Variants in USH2A observed in about 807,000 individuals in gnomAD.
The protein encoded by USH2A is Usher syndrome 2A (autosomal recessive, mild).
USH2A carries 443 observed loss-of-function variants against 538.9 expected under a neutral mutation model. The observed-to-expected ratio is 0.82, with a 90% CI of 0.76 to 0.89. The LOEUF is 0.89. USH2A is among the 40% of genes least tolerant of loss of function. USH2A has a pLI of 0.00. For missense variants in USH2A, 6,633 were observed against 6,324.8 expected, an observed-to-expected ratio of 1.05 and a Z score of -1.65; for synonymous variants, 2,413 against 2,273.5, an observed-to-expected ratio of 1.06 and a Z score of -1.75.
intron 21 of USH2A, among the ~76,000 whole-genome samples, chr1:216,124,614 A>G (rs2033211273): frequency 1.3e-5 from 2 of 152,324 alleles, no homozygotes; most frequent in East Asian, 1.9e-4. Context: ...TAAGATCAAG[A>G]TAAGAACATA....
chr1:215,644,673 T>G (rs926072603), intron 67 of USH2A, among the ~76,000 whole-genome samples: 2 of 152,098 alleles, frequency 1.3e-5, no homozygotes, highest in Admixed American at 1.3e-4. Context: ...GGAAAGTCAG[T>G]GAAGGTGACT....
intron 33 of USH2A, among the ~76,000 whole-genome samples, chr1:215,999,266 T>C (rs1441531369): frequency 6.6e-6 from 1 of 152,210 alleles, no homozygotes; most frequent in Non-Finnish European, 1.5e-5. Flanking sequence ...GCTCCTGCCA[T>C]CTGGTTACCT....
At chr1:215,998,765 A>C in intron 34 of USH2A, 122 bp downstream of exon 34, 2 of 1,045,178 alleles carry the variant, frequency 1.9e-6, no homozygotes, top group Middle Eastern at 2.0e-4. Flanking sequence ...CAGTATAAAC[A>C]GCAATACATG....
In USH2A at chr1:215,838,086, T is replaced by C. The variant is rs757205145; in HGVS notation, c.9276A>G (p.Ile3092Met). The C allele has an allele frequency of 6.2e-7, 1 of 1,614,018 alleles. No homozygotes were observed. The highest frequency in any genetic ancestry group is 8.5e-7 in the Non-Finnish European group (1 of 1,179,882). ...IYDIQVEVCT[I>M]YACVKSNGTQ... ...TTCCATTGCTTTTCACGCAGGCATA[T>C]ATTGTGCAGACTTCAACCTGCAAAC... The change falls in exon 47 of 72, where the codon ATA (isoleucine) becomes ATG (methionine). Residue 3092 changes from isoleucine to methionine, a missense_variant. Physicochemically the swap from Ile to Met is conservative, Grantham distance 10. Transcript: ENST00000307340.
intron 32 of USH2A, among the ~76,000 whole-genome samples, chr1:216,009,783 G>A (rs1451491289): frequency 2.0e-5 from 3 of 151,984 alleles, no homozygotes; most frequent in East Asian, 1.9e-4. Flanking sequence ...CACCCAGTCC[G>A]GCTTACAGTT....
intron 9 of USH2A, among the ~76,000 whole-genome samples, chr1:216,308,132 A>G (rs2037351556): frequency 6.6e-6 from 1 of 152,056 alleles, no homozygotes; most frequent in South Asian, 2.1e-4. Flanking sequence ...TATTTGTATG[A>G]TTTTAAAATT....
Position 215,637,446 on chromosome 1 carries a change from T to C in USH2A, c.15052+1709A>G, listed in dbSNP as rs115604989. The stretch of plus-strand genomic sequence containing the variant: ...GAAAAAGTCCCAGGCCAGAAGTCAA[T>C]AGAAAATCTGTGTTGGTGTTCTCAT... On this transcript the variant is annotated intron_variant, in intron 69 of 71. Transcript: ENST00000307340. 5.7e-3 allele frequency among the ~76,000 whole-genome samples: 871 copies of C among 152,290 alleles called. 7 individuals are homozygous for C. Among genetic ancestry groups the C allele is most frequent in the African/African-American group, 0.02 (826 of 41,556 alleles).
intron 50 of USH2A, among the ~76,000 whole-genome samples, chr1:215,794,231 T>C (rs1487366346): frequency 1.3e-5 from 2 of 152,216 alleles, no homozygotes; most frequent in East Asian, 1.9e-4. Flanking sequence ...CAAAGACAAC[T>C]GAACTGGGAC....
At chr1:216,075,543 A>C (rs986874416) in intron 27 of USH2A, among the ~76,000 whole-genome samples, 29 of 152,124 alleles carry the variant, frequency 1.9e-4, no homozygotes, top group African/African-American at 6.5e-4. Flanking sequence ...AATCAGAAAA[A>C]CATTAGCCCT....
At chr1:215,837,785 G>C (rs926034563) in intron 47 of USH2A, among the ~76,000 whole-genome samples, 6 of 152,154 alleles carry the variant, frequency 3.9e-5, no homozygotes, top group Non-Finnish European at 8.8e-5. Flanking sequence ...ATCTGAGGCT[G>C]GGCAATCAGG....
intron 21 of USH2A, among the ~76,000 whole-genome samples, chr1:216,172,605 C>G (rs992558240): frequency 6.6e-6 from 1 of 151,994 alleles, no homozygotes; most frequent in Non-Finnish European, 1.5e-5. Context: ...ACGCATAACA[C>G]TTCAGCCCAT....
intron 9 of USH2A, among the ~76,000 whole-genome samples, chr1:216,293,550 C>A (rs925689809): frequency 2.0e-5 from 3 of 152,194 alleles, no homozygotes; most frequent in African/African-American, 7.2e-5. Context: ...GCTACGTATT[C>A]AGAATCTCTC....
intron 31 of USH2A, among the ~76,000 whole-genome samples, chr1:216,048,015 A>C (rs1464586631): frequency 6.6e-6 from 1 of 152,188 alleles, no homozygotes; most frequent in Non-Finnish European, 1.5e-5. Flanking sequence ...AGTGAGACTT[A>C]AGTTGGAAGG....
chr1:215,872,327 A>G (rs1023902485), intron 43 of USH2A, among the ~76,000 whole-genome samples: 2 of 152,246 alleles, frequency 1.3e-5, no homozygotes, highest in African/African-American at 4.8e-5. Context: ...TTCTAAAAAT[A>G]GTATTGAAGA....
intron 63 of USH2A, among the ~76,000 whole-genome samples, chr1:215,672,369 T>C (rs1657845407): frequency 1.3e-5 from 2 of 152,180 alleles, no homozygotes; most frequent in South Asian, 4.1e-4. Flanking sequence ...ACCTTTTTGC[T>C]TTCTTAATTA....
intron 55 of USH2A, among the ~76,000 whole-genome samples, chr1:215,768,127 A>T (rs1661184077): frequency 6.6e-6 from 1 of 152,144 alleles, no homozygotes; most frequent in African/African-American, 2.4e-5. Context: ...ACTACATTTT[A>T]AAAAATTTTG....
chr1:216,294,981 A>G (rs1455396759), intron 9 of USH2A, among the ~76,000 whole-genome samples: 1 of 151,760 alleles, frequency 6.6e-6, no homozygotes, highest in African/African-American at 2.4e-5. Flanking sequence ...TTAAATATAC[A>G]GTTATATTTA....
intron 42 of USH2A, among the ~76,000 whole-genome samples, chr1:215,878,436 G>A (rs1366720028): frequency 6.6e-6 from 1 of 152,100 alleles, no homozygotes; most frequent in African/African-American, 2.4e-5. Flanking sequence ...GTACATTTGT[G>A]CAAATGTATC....
chr1:215,774,906 T>C (rs1661416566), intron 55 of USH2A, among the ~76,000 whole-genome samples: 1 of 149,132 alleles, frequency 6.7e-6, no homozygotes, highest in African/African-American at 2.4e-5. Context: ...CTTTTTTTTT[T>C]CTTTTTTTTT....
Sources: gnomAD v4.1 joint callset for allele counts (sites outside exome capture counted in the v4.1 genomes callset) on GRCh38, gnomAD v4.1.1 for gene constraint, MANE v1.5 for transcripts, NCBI Gene and HGNC (gene_info 2026-07-23, HGNC 2026-07-21) for gene names.